The following PMPCB variants were observed in gnomAD, a reference collection of about 807,000 sequenced individuals.
PMPCB encodes peptidase, mitochondrial processing subunit beta.
Under a neutral mutation model 61.5 loss-of-function variants are expected in PMPCB, and 46 were observed. The observed-to-expected ratio is 0.75, with a 90% CI of 0.59 to 0.96. PMPCB has a LOEUF of 0.96. Among genes scored for constraint, PMPCB ranks in the 40% least tolerant of loss-of-function variants. The probability of loss-of-function intolerance (pLI) is 0.00; values close to 1 mark genes in which losing one functional copy is unlikely to be tolerated. For synonymous variants in PMPCB, 191 were observed against 201.6 expected, an observed-to-expected ratio of 0.95 and a Z score of 0.44; for missense variants, 590 against 602.4, an observed-to-expected ratio of 0.98 and a Z score of 0.22.
At position 103,312,434 on chromosome 7, in the gene PMPCB, G is replaced by A. The variant is rs1023818547; in HGVS notation, c.*163G>A. On this transcript the variant is annotated 3_prime_UTR_variant, in exon 13 of 13. Coordinates refer to ENST00000249269, the MANE Select transcript of PMPCB (RefSeq NM_004279.3). ...CTCTGAAGGTTGTTTTGTATTAATG[G>A]TCAGTCTTTGTTCTCTGAGAAATTA... 2 of 1,512,884 alleles carry A rather than the reference G, an allele frequency of 1.3e-6. No homozygotes were observed. Among genetic ancestry groups the A allele is most frequent in the African/African-American group, 1.4e-5 (1 of 71,110 alleles). The allele number at this position is 1,512,884 out of a possible 1,614,324, so 93.7% of individuals were successfully genotyped here.
Position 103,314,612 on chromosome 7 carries a change from A to C in PMPCB, c.*2341A>C. 1 of 985,418 alleles carries C rather than the reference A, an allele frequency of 1.0e-6. No homozygotes were observed. Among genetic ancestry groups the C allele is most frequent in the African/African-American group, 1.7e-5 (1 of 57,368 alleles). The allele number at this position is 985,418 out of a possible 1,614,324, so 61.0% of individuals were successfully genotyped here. A position where few individuals can be genotyped will look rare whatever the true frequency, so the allele number is the denominator to read the frequency against. On this transcript the variant is annotated 3_prime_UTR_variant, in exon 13 of 13. Transcript: ENST00000249269. ...AGGAGAATAAACTCCTTTATAAAGA[A>C]GTGTCTTTCAGGTGTTCTGAAACCC...
rs147104877 is a variant in PMPCB, at chr7:103,300,113, C to A, written c.328-65C>A. The stretch of plus-strand genomic sequence containing the variant: ...AACTTATGTCCTCCATATTCATTAT[C>A]TGAAGTAGAATAGATGAAGTATAAA... On this transcript the variant is annotated intron_variant, in intron 3 of 12. Transcript: ENST00000249269. 284 of 1,444,560 alleles carry A rather than the reference C, an allele frequency of 2.0e-4. No individual in the cohort carries two copies. In the Middle Eastern group the frequency reaches 3.2e-3, roughly 16 times the overall value. The allele number at this position is 1,444,560 out of a possible 1,614,324, so 89.5% of individuals were successfully genotyped here.
chr7:103,301,512 A>G (rs1817450037), intron 4 of PMPCB, among the ~76,000 whole-genome samples: 1 of 152,220 alleles, frequency 6.6e-6, no homozygotes, highest in Non-Finnish European at 1.5e-5. Context: ...AGGGAAGGCA[A>G]AAAGGAGAAA....
chr7:103,345,652 C>T, the PMPCB span, among the ~76,000 whole-genome samples: 5 of 150,768 alleles, frequency 3.3e-5, no homozygotes, highest in African/African-American at 1.2e-4. Context: ...GACAGGGTCT[C>T]ACTATGTTGC....
At chr7:103,321,915 T>G (rs1259944682) in intron 12 of PMPCB, 1 of 1,598,334 alleles carries the variant, frequency 6.3e-7, no homozygotes, top group Non-Finnish European at 8.5e-7. Flanking sequence ...GCCTAGTGTT[T>G]GTTCAGTCTG....
intron 4 of PMPCB, among the ~76,000 whole-genome samples, chr7:103,300,621 C>G (rs1220937745): frequency 6.6e-6 from 1 of 152,174 alleles, no homozygotes; most frequent in African/African-American, 2.4e-5. Flanking sequence ...AAAGTTATTA[C>G]ACAAAACATT....
chr7:103,307,413 C>G (rs541694179), intron 6 of PMPCB, among the ~76,000 whole-genome samples, 183 bp from the exon 7 acceptor site: 8 of 152,204 alleles, frequency 5.3e-5, no homozygotes, highest in Non-Finnish European at 7.3e-5. Flanking sequence ...AATGAGAAAG[C>G]TGTGCAACCT....
At chr7:103,309,199 G>C (rs1817671951) in intron 8 of PMPCB, 104 bp downstream of exon 8, 2 of 791,636 alleles carry the variant, frequency 2.5e-6, no homozygotes, top group Non-Finnish European at 3.6e-6. Flanking sequence ...GCAGAATAGA[G>C]TCTTGTACTG....
chr7:103,322,817 A>T lies in PMPCB; in HGVS notation c.*1432-6114A>T, dbSNP rs937133095. On this transcript the variant is annotated intron_variant and NMD_transcript_variant, in intron 12 of 12. Coordinates refer to the PMPCB transcript ENST00000444457. Reference sequence around the variant, plus strand: ...CGACTATAAAATAGAAAATATTGGAAACAAACTACTGCTTATAGATGCTAT... The same window carrying T: ...CGACTATAAAATAGAAAATATTGGATACAAACTACTGCTTATAGATGCTAT... 5.8e-6 allele frequency: 9 copies of T among 1,551,504 alleles called. No individual in the cohort carries two copies. The African/African-American group carries it at 8.1e-5, about 14-fold the overall frequency.
chr7:103,323,542 A>G, intron 12 of PMPCB: 1 of 1,385,738 alleles, frequency 7.2e-7, no homozygotes, highest in Non-Finnish European at 9.5e-7. Flanking sequence ...TTACATCATC[A>G]CAAATACCAG....
At position 103,313,269 on chromosome 7, in the gene PMPCB, GA is replaced by G. The variant is rs1817860210; in HGVS notation, c.*1004del. ...TATAGCCCTCTGAGTGTTAATAAGA[GA>G]AAAAATTTCAGATAGCTCACATCCC... On this transcript the variant is annotated 3_prime_UTR_variant, in exon 13 of 13. Transcript: ENST00000249269. 1 of 1,336,232 alleles carries G rather than the reference GA, an allele frequency of 7.5e-7. No homozygotes were observed. Among genetic ancestry groups the G allele is most frequent in the Non-Finnish European group, 9.5e-7 (1 of 1,047,540 alleles). The allele number at this position is 1,336,232 out of a possible 1,614,324, so 82.8% of individuals were successfully genotyped here. A position where few individuals can be genotyped will look rare whatever the true frequency, so the allele number is the denominator to read the frequency against.
Position 103,298,661 on chromosome 7 carries a change from A to G in PMPCB, c.193A>G (p.Ser65Gly), listed in dbSNP as rs1817360958. ...TGAAACAAGAGTAACATGTTTAGAA[A>G]GTGGACTCAGAGTAGCTTCGGAAGA... ...VPETRVTCLE[S>G]GLRVASEDSG... Residue 65 changes from serine (S) to glycine (G), a missense_variant, in exon 2 of 13, where the codon AGT becomes GGT. Ser to Gly is a moderately conservative substitution (Grantham distance 56). Transcript: ENST00000249269. The G allele has an allele frequency of 1.2e-6, 2 of 1,614,194 alleles. No homozygotes were observed. The highest frequency in any genetic ancestry group is 1.7e-6 in the Non-Finnish European group (2 of 1,180,006).
chr7:103,314,016 AAAG>A lies in PMPCB; in HGVS notation c.*1749_*1751del. On this transcript the variant is annotated 3_prime_UTR_variant, in exon 13 of 13. Transcript: ENST00000249269. ...TAGAAACCAAAGTTCCTTCCCAATT[AAAG>A]AAGGAAAAACAAAACAAAACAAAAC... 2 of 985,408 alleles carry A rather than the reference AAAG, an allele frequency of 2.0e-6. No individual in the cohort carries two copies. The highest frequency in any genetic ancestry group is 2.4e-6 in the Non-Finnish European group (2 of 829,926). 61.0% of individuals were successfully genotyped at this position (985,408 alleles called of 1,614,324 possible). A position where few individuals can be genotyped will look rare whatever the true frequency, so the allele number is the denominator to read the frequency against.
chr7:103,322,835 G>A (rs774964911), intron 12 of PMPCB: 34 of 1,461,554 alleles, frequency 2.3e-5, no homozygotes, highest in Non-Finnish European at 3.2e-5. Flanking sequence ...ACTGCTTATA[G>A]ATGCTATGAC....
rs1287525652 is a variant in PMPCB at position 103,298,907 on chromosome 7, C to T, written c.240+199C>T. Among the ~76,000 whole-genome samples the T allele has an allele frequency of 2.0e-5, 3 of 152,170 alleles. No individual in the cohort carries two copies. In the East Asian group the frequency reaches 5.8e-4, roughly 29 times the overall value. On this transcript the variant is annotated intron_variant, in intron 2 of 12. Coordinates refer to ENST00000249269, the MANE Select transcript of PMPCB (RefSeq NM_004279.3). ...GTGCATATGTATCCTGTTGCATTGT[C>T]TGCATCTTGTTCTTGTAGCTTATTA...
At chr7:103,319,075 G>A (rs1818234486), downstream of PMPCB, among the ~76,000 whole-genome samples, 2 of 152,152 alleles carry the variant, frequency 1.3e-5, no homozygotes, top group South Asian at 4.1e-4. Flanking sequence ...AGCCGGGCAT[G>A]GTGGCACACA....
chr7:103,344,778 G>A, the PMPCB span: 1 of 688,744 alleles, frequency 1.5e-6, no homozygotes, highest in South Asian at 1.7e-5. Context: ...AAGCACTTCC[G>A]GGATGGATCT....
chr7:103,343,212 G>A, the PMPCB span, among the ~76,000 whole-genome samples: 48 of 151,660 alleles, frequency 3.2e-4, no homozygotes, highest in Non-Finnish European at 5.3e-4. Flanking sequence ...TGTTAGCCAG[G>A]CTGGTCTCGA....
chr7:103,335,038 T>G, the PMPCB span, among the ~76,000 whole-genome samples: 1 of 152,160 alleles, frequency 6.6e-6, no homozygotes, highest in Non-Finnish European at 1.5e-5. Context: ...TTCGCCATGT[T>G]GGCCAGGCTG....
Sources: allele counts gnomAD v4.1 joint callset (sites outside exome capture counted in the v4.1 genomes callset), GRCh38; gene constraint gnomAD v4.1.1; transcripts MANE v1.5; gene names NCBI Gene and HGNC (gene_info 2026-07-23, HGNC 2026-07-21).